MIB1: variants seen among roughly 807,000 people sequenced by gnomAD.
MIB1 encodes the protein MIB E3 ubiquitin protein ligase 1.
MIB1 carries 278 observed loss-of-function variants against 124.5 expected under a neutral mutation model. The ratio of observed to expected loss-of-function variants is 2.23; its 90% CI spans 2.02 to 2.47. The LOEUF is 2.47. MIB1 is among the 30% of genes most tolerant of loss of function. MIB1 has a pLI of 0.00. For synonymous variants in MIB1, 446 were observed against 429.4 expected (o/e 1.04, Z -0.48); for missense variants, 957 against 1,254.4 (o/e 0.76, Z 3.58).
chr18:21,817,863 T>G, intron 11 of MIB1: 1 of 248,704 alleles, frequency 4.0e-6, no homozygotes, highest in Non-Finnish European at 8.1e-6. Flanking sequence ...AAAAAACAAG[T>G]GGCAAACTGA....
intron 6 of MIB1, among the ~76,000 whole-genome samples, chr18:21,787,459 G>A (rs540735859): frequency 6.6e-6 from 1 of 152,212 alleles, no homozygotes; most frequent in East Asian, 1.9e-4. Flanking sequence ...TTTTCTTCCT[G>A]CAGGTACTCA....
chr18:21,815,011 T>A (rs1159830915), intron 10 of MIB1, among the ~76,000 whole-genome samples: 15 of 52,652 alleles, frequency 2.8e-4, no homozygotes, highest in Non-Finnish European at 4.9e-4. Flanking sequence ...GCTGTTGGTT[T>A]TATATATATA....
intron 3 of MIB1, among the ~76,000 whole-genome samples, chr18:21,768,991 C>T (rs549636141): frequency 1.3e-5 from 2 of 152,240 alleles, no homozygotes; most frequent in South Asian, 4.2e-4. Flanking sequence ...TTCATATTGT[C>T]ATTTTGTTAC....
At chr18:21,758,482 G>T (rs1467668596) in intron 1 of MIB1, among the ~76,000 whole-genome samples, 1 of 152,074 alleles carries the variant, frequency 6.6e-6, no homozygotes, top group Non-Finnish European at 1.5e-5. Flanking sequence ...TTTGTTGAAT[G>T]ACATCAACAG....
At chr18:21,861,966 A>G (rs1598648052) in intron 20 of MIB1, among the ~76,000 whole-genome samples, 1 of 152,246 alleles carries the variant, frequency 6.6e-6, no homozygotes, top group East Asian at 1.9e-4. Flanking sequence ...CAGTGGCACA[A>G]TCATGGCTCA....
chr18:21,793,075 CAG>C (rs2041525609), intron 7 of MIB1, among the ~76,000 whole-genome samples: 2 of 152,228 alleles, frequency 1.3e-5, no homozygotes. Context: ...CGTATGGGAG[CAG>C]AGAGAATTAA....
chr18:21,707,760 G>T (rs1050032026), intron 1 of MIB1, among the ~76,000 whole-genome samples: 1 of 152,176 alleles, frequency 6.6e-6, no homozygotes, highest in Non-Finnish European at 1.5e-5. Context: ...GGGATTACAG[G>T]CATGAGCCAC....
chr18:21,732,038 T>A (rs1361112458), intron 1 of MIB1, among the ~76,000 whole-genome samples: 1 of 150,702 alleles, frequency 6.6e-6, no homozygotes, highest in Non-Finnish European at 1.5e-5. Flanking sequence ...TATATATACT[T>A]CTTGGTGGCA....
At chr18:21,774,957 ATTTT>A (rs869180483) in intron 4 of MIB1, among the ~76,000 whole-genome samples, 49 of 119,862 alleles carry the variant, frequency 4.1e-4, no homozygotes, top group East Asian at 2.9e-3. Context: ...TTATTTATTT[ATTTT>A]TTGAGACACA....
In MIB1 at chr18:21,765,958, T is replaced by C. The variant is rs1279621853; in HGVS notation, c.401+15T>C. ...GGAAGTGAGAGGTAGGGAGAACCCT[T>C]TTCTTCTTCAACCGAGGGTTTTTGT... is the stretch of plus-strand genomic sequence containing the variant. On this transcript the variant is annotated intron_variant, in intron 2 of 20. Coordinates refer to ENST00000261537, the MANE Select transcript of MIB1 (RefSeq NM_020774.4). The C allele has an allele frequency of 6.2e-7, 1 of 1,613,022 alleles. No individual in the cohort carries two copies. Among genetic ancestry groups the C allele is most frequent in the Non-Finnish European group, 8.5e-7 (1 of 1,179,232 alleles).
chr18:21,711,575 G>A (rs1004857382), intron 1 of MIB1, among the ~76,000 whole-genome samples: 7 of 151,546 alleles, frequency 4.6e-5, no homozygotes, highest in Admixed American at 4.6e-4. Context: ...GAGCCACTGC[G>A]CCCAGCCAGA....
intron 1 of MIB1, among the ~76,000 whole-genome samples, chr18:21,746,071 G>C (rs2040909729): frequency 2.0e-5 from 3 of 152,172 alleles, no homozygotes; most frequent in Admixed American, 6.5e-5. Flanking sequence ...ATATTTATCA[G>C]AGGGAGAACT....
chr18:21,764,001 G>A (rs192705717), intron 1 of MIB1, among the ~76,000 whole-genome samples: 10 of 152,082 alleles, frequency 6.6e-5, no homozygotes, highest in Admixed American at 6.5e-4. Context: ...CATGAACATG[G>A]CTCTAAGAGT....
At chr18:21,837,716 T>G (rs1186807257) in intron 12 of MIB1, among the ~76,000 whole-genome samples, 1 of 152,194 alleles carries the variant, frequency 6.6e-6, no homozygotes, top group Non-Finnish European at 1.5e-5. Context: ...TTTTTAAATT[T>G]TAAATATTAA....
At chr18:21,797,325 T>C (rs2041594519) in intron 7 of MIB1, among the ~76,000 whole-genome samples, 1 of 152,116 alleles carries the variant, frequency 6.6e-6, no homozygotes, top group African/African-American at 2.4e-5. Context: ...TTTGTATCTC[T>C]TGGAAATTTT....
chr18:21,768,779 G>T, intron 3 of MIB1, 27 bp downstream of exon 3: 1 of 1,580,050 alleles, frequency 6.3e-7, no homozygotes, highest in Non-Finnish European at 8.6e-7. Flanking sequence ...AATTCATTAT[G>T]TATTCTAGAG....
chr18:21,809,925 C>T (rs988654855), intron 10 of MIB1, among the ~76,000 whole-genome samples: 5 of 152,008 alleles, frequency 3.3e-5, no homozygotes, highest in East Asian at 1.9e-4. Flanking sequence ...AAAAGACATC[C>T]GAATTGGAAA....
intron 14 of MIB1, among the ~76,000 whole-genome samples, chr18:21,843,795 A>C (rs553582922): frequency 6.6e-6 from 1 of 152,346 alleles, no homozygotes; most frequent in East Asian, 1.9e-4. Context: ...TGAAAAGAGA[A>C]ATAAAGTCCT....
At chr18:21,713,210 C>T (rs1042228118) in intron 1 of MIB1, among the ~76,000 whole-genome samples, 7 of 140,768 alleles carry the variant, frequency 5.0e-5, no homozygotes, top group Admixed American at 4.3e-4. Flanking sequence ...CTTAAACAAT[C>T]CCCCCATCTC....
Sources: allele counts gnomAD v4.1 joint callset (sites outside exome capture counted in the v4.1 genomes callset), GRCh38; gene constraint gnomAD v4.1.1; transcripts MANE v1.5; gene names NCBI Gene and HGNC (gene_info 2026-07-23, HGNC 2026-07-21).